Variants in SVEP1 observed in about 807,000 individuals in gnomAD.
SVEP1 encodes the protein sushi, von Willebrand factor type A, EGF and pentraxin domain-containing protein 1.
In SVEP1, 164 loss-of-function variants were observed where a neutral mutation model predicts 367.3. The ratio of observed to expected loss-of-function variants is 0.45; its 90% CI spans 0.39 to 0.51. The LOEUF (loss-of-function observed/expected upper bound fraction) is 0.51, where lower values mean the gene tolerates loss of function less well. Ranked by LOEUF, SVEP1 falls within the 20% of genes least tolerant of loss-of-function variation. The pLI is 0.00. For synonymous variants in SVEP1, 1,666 were observed against 1,611.6 expected (o/e 1.03, Z -0.81); for missense variants, 4,117 against 4,425.3 (o/e 0.93, Z 1.98).
At chr9:110,427,563 G>C in intron 36 of SVEP1, 28 bp downstream of exon 36, 1 of 1,601,456 alleles carries the variant, frequency 6.2e-7, no homozygotes, top group Non-Finnish European at 8.5e-7. Context: ...GGCTCTCAAT[G>C]ATCCTTTCCT....
intron 3 of SVEP1, among the ~76,000 whole-genome samples, chr9:110,532,693 AG>A (rs2118819941): frequency 6.6e-6 from 1 of 152,246 alleles, no homozygotes; most frequent in East Asian, 1.9e-4. Flanking sequence ...AATATGGAAC[AG>A]GGTTTCTTAA....
chr9:110,541,358 C>T (rs932141031), intron 3 of SVEP1, among the ~76,000 whole-genome samples: 1 of 152,004 alleles, frequency 6.6e-6, no homozygotes, highest in African/African-American at 2.4e-5. Context: ...CTGCTTTCTC[C>T]CATCTAATAG....
intron 1 of SVEP1, among the ~76,000 whole-genome samples, chr9:110,573,780 G>A (rs960635699): frequency 4.6e-5 from 7 of 152,236 alleles, no homozygotes; most frequent in Middle Eastern, 6.8e-3. Flanking sequence ...GAAAAAGGTC[G>A]TTATGAGATA....
chr9:110,522,594 C>T (rs1829889989), intron 3 of SVEP1, among the ~76,000 whole-genome samples: 1 of 152,152 alleles, frequency 6.6e-6, no homozygotes, highest in East Asian at 1.9e-4. Flanking sequence ...GAATGTCCGC[C>T]TGTCCTAAAG....
rs946230198 is a variant in SVEP1, at chr9:110,432,341, G to A, written c.5233+121C>T. On this transcript the variant is annotated intron_variant, in intron 31 of 47. Transcript: ENST00000374469. ...CTGCTTTGTCACTATGGCTTGGCCA[G>A]AGCTTACTGGGATGAGATAAAGTTA... 5 of 1,319,214 alleles carry A rather than the reference G, an allele frequency of 3.8e-6. No homozygotes were observed. The African/African-American group carries it at 7.4e-5, about 19-fold the overall frequency. The allele number at this position is 1,319,214 out of a possible 1,614,324, so 81.7% of individuals were successfully genotyped here.
intron 37 of SVEP1, among the ~76,000 whole-genome samples, chr9:110,410,779 C>T (rs138561873): frequency 1.9e-3 from 285 of 152,256 alleles, no homozygotes; most frequent in African/African-American, 6.6e-3. Flanking sequence ...TCACAGTGGG[C>T]TGGCCCTGTA....
intron 1 of SVEP1, among the ~76,000 whole-genome samples, chr9:110,562,725 G>C (rs879481820): frequency 4.6e-5 from 7 of 152,016 alleles, no homozygotes; most frequent in Non-Finnish European, 1.5e-5. Flanking sequence ...TTTTGCTCTT[G>C]TTGCCTAGGC....
intron 8 of SVEP1, among the ~76,000 whole-genome samples, chr9:110,494,037 G>A (rs1829409882): frequency 6.6e-6 from 1 of 152,116 alleles, no homozygotes; most frequent in Non-Finnish European, 1.5e-5. Context: ...GCTGGGAAAG[G>A]TACTTCTCTT....
intron 3 of SVEP1, among the ~76,000 whole-genome samples, chr9:110,528,957 T>C (rs1829980856): frequency 6.6e-6 from 1 of 152,104 alleles, no homozygotes; most frequent in Non-Finnish European, 1.5e-5. Context: ...CCTAGGTCAA[T>C]GTCCAGGACA....
rs189077186 is a variant in SVEP1, at chr9:110,521,790, T to C, written c.965-7684A>G. ...TAGGAGAGGCCCTCTGGAGATTTTT[T>C]AGAATTATCTTTAACGTTATTTTTC... On this transcript the variant is annotated intron_variant, in intron 3 of 47. Transcript: ENST00000374469. Among the ~76,000 whole-genome samples the C allele has an allele frequency of 3.4e-3, 524 of 152,336 alleles. 3 individuals are homozygous for C. Among genetic ancestry groups the C allele is most frequent in the Non-Finnish European group, 4.8e-3 (327 of 68,034 alleles).
intron 46 of SVEP1, among the ~76,000 whole-genome samples, chr9:110,370,282 A>C (rs1827256726): frequency 6.6e-6 from 1 of 151,684 alleles, no homozygotes; most frequent in Non-Finnish European, 1.5e-5. Context: ...TTTGCTGATC[A>C]CTCCAAGTCC....
At chr9:110,508,949 G>T (rs1829669243) in intron 5 of SVEP1, among the ~76,000 whole-genome samples, 1 of 152,016 alleles carries the variant, frequency 6.6e-6, no homozygotes, top group African/African-American at 2.4e-5. Context: ...TTTTATGCAG[G>T]TCTTTCATTT....
chr9:110,375,508 A>G lies in SVEP1; in HGVS notation c.10505-45T>C, dbSNP rs761351034. The G allele has an allele frequency of 2.8e-6, 4 of 1,447,508 alleles. No individual in the cohort carries two copies. The African/African-American group carries it at 5.9e-5, about 21-fold the overall frequency. 89.7% of individuals were successfully genotyped at this position (1,447,508 alleles called of 1,614,324 possible). A position where few individuals can be genotyped will look rare whatever the true frequency, so the allele number is the denominator to read the frequency against. On this transcript the variant is annotated intron_variant, in intron 45 of 47. Coordinates refer to ENST00000374469, the MANE Select transcript of SVEP1 (RefSeq NM_153366.4). The stretch of plus-strand genomic sequence containing the variant: ...AAAAAAAAGGAGGCAGGGGGGATTG[A>G]AATGGCGTTGATCAAAGTACACATC...
At chr9:110,455,564 T>G in intron 22 of SVEP1, 26 bp downstream of exon 22, 1 of 1,551,074 alleles carries the variant, frequency 6.4e-7, no homozygotes, top group Non-Finnish European at 8.8e-7. Context: ...ATTTATATTG[T>G]TGAAAACAGG....
chr9:110,366,765 A>G (rs1301853062), intron 47 of SVEP1, among the ~76,000 whole-genome samples: 1 of 152,198 alleles, frequency 6.6e-6, no homozygotes, highest in Admixed American at 6.5e-5. Context: ...AAGATCTGAG[A>G]AGCATCAGAC....
chr9:110,493,221 G>A (rs550317335), intron 8 of SVEP1, among the ~76,000 whole-genome samples: 2 of 152,002 alleles, frequency 1.3e-5, no homozygotes, highest in Non-Finnish European at 2.9e-5. Flanking sequence ...TGGGGAGGGG[G>A]TGGTGCTTCT....
intron 3 of SVEP1, among the ~76,000 whole-genome samples, chr9:110,537,624 G>C (rs1052883938): frequency 1.3e-5 from 2 of 151,876 alleles, no homozygotes; most frequent in African/African-American, 4.8e-5. Context: ...AAGAAAATAA[G>C]AAGCCAGCAA....
intron 14 of SVEP1, among the ~76,000 whole-genome samples, chr9:110,473,644 T>A (rs935270899): frequency 6.6e-6 from 1 of 152,212 alleles, no homozygotes; most frequent in Admixed American, 6.5e-5. Flanking sequence ...TTTAGGTTAT[T>A]TCAAATGTTT....
chr9:110,412,043 A>G (rs1828052439), intron 36 of SVEP1, among the ~76,000 whole-genome samples: 1 of 152,194 alleles, frequency 6.6e-6, no homozygotes, highest in African/African-American at 2.4e-5. Flanking sequence ...ATATCAATAC[A>G]TTGTGATATT....
Sources: gnomAD v4.1 joint callset for allele counts (sites outside exome capture counted in the v4.1 genomes callset) on GRCh38, gnomAD v4.1.1 for gene constraint, MANE v1.5 for transcripts, NCBI Gene and HGNC (gene_info 2026-07-23, HGNC 2026-07-21) for gene names.